CNTN4: variants seen among roughly 807,000 people sequenced by gnomAD.
CNTN4 encodes the protein contactin-4.
In CNTN4, 77 loss-of-function variants were observed where a neutral mutation model predicts 122.5. The observed-to-expected ratio is 0.63, with a 90% CI of 0.52 to 0.76. The LOEUF (loss-of-function observed/expected upper bound fraction) is 0.76. CNTN4 is among the 30% of genes least tolerant of loss of function. The pLI is 0.00. For missense variants in CNTN4, 1,256 were observed against 1,259.1 expected, an observed-to-expected ratio of 1.00 and a Z score of 0.04; for synonymous variants, 512 against 447.0, an observed-to-expected ratio of 1.15 and a Z score of -1.83.
At chr3:2,947,887 T>G (rs1201837218) in intron 13 of CNTN4, among the ~76,000 whole-genome samples, 1 of 152,202 alleles carries the variant, frequency 6.6e-6, no homozygotes, top group East Asian at 1.9e-4. Flanking sequence ...GCCAGGAAAT[T>G]ATTCTGTTCT....
intron 4 of CNTN4, among the ~76,000 whole-genome samples, chr3:2,722,882 C>A (rs1043037964): frequency 2.0e-5 from 3 of 152,168 alleles, no homozygotes; most frequent in Non-Finnish European, 4.4e-5. Context: ...CCCTTCTGTA[C>A]ATCAATATGC....
At position 2,902,917 on chromosome 3, in the gene CNTN4, A is replaced by G. The variant is rs751691992; in HGVS notation, c.1119A>G (p.Ile373Met). The change falls in exon 12 of 25, where the codon ATA becomes ATG. Residue 373 changes from isoleucine to methionine, a missense_variant. Coordinates refer to ENST00000418658, the MANE Select transcript of CNTN4 (RefSeq NM_175607.3). ...AGCAAGGAACACTCAACATAACAATAGTGAACCTCTCAGATGCTGGCATGT... is the reference window on the plus strand; with the variant it reads ...AGCAAGGAACACTCAACATAACAATGGTGAACCTCTCAGATGCTGGCATGT... Reference protein sequence around the residue: ...QIEQGTLNITIVNLSDAGMYQ... With the variant: ...QIEQGTLNITMVNLSDAGMYQ... The G allele has an allele frequency of 6.2e-7, 1 of 1,613,896 alleles. No homozygotes were observed. Among genetic ancestry groups the G allele is most frequent in the Non-Finnish European group, 8.5e-7 (1 of 1,179,854 alleles).
chr3:2,112,039 T>A (rs917025607), intron 2 of CNTN4, among the ~76,000 whole-genome samples: 2 of 152,156 alleles, frequency 1.3e-5, no homozygotes, highest in Admixed American at 1.3e-4. Context: ...TTCCATAGTG[T>A]GTTGTTTTAT....
At chr3:2,619,834 C>A (rs2081926003) in intron 4 of CNTN4, among the ~76,000 whole-genome samples, 1 of 152,220 alleles carries the variant, frequency 6.6e-6, no homozygotes, top group African/African-American at 2.4e-5. Context: ...TCTCTGTTCA[C>A]AAAACATTGC....
intron 2 of CNTN4, among the ~76,000 whole-genome samples, chr3:2,171,912 A>G (rs1283405892): frequency 1.3e-5 from 2 of 152,336 alleles, no homozygotes; most frequent in South Asian, 2.1e-4. Context: ...TCCTTGGAAC[A>G]GGAGCACCTA....
intron 4 of CNTN4, among the ~76,000 whole-genome samples, chr3:2,587,754 A>G (rs897335406): frequency 2.6e-5 from 4 of 152,188 alleles, no homozygotes; most frequent in African/African-American, 9.7e-5. Context: ...AATAAATTTT[A>G]GAGGAAATCA....
intron 3 of CNTN4, among the ~76,000 whole-genome samples, chr3:2,545,519 C>G (rs957271981): frequency 3.3e-5 from 5 of 151,798 alleles, no homozygotes; most frequent in African/African-American, 1.2e-4. Flanking sequence ...TCTCTGAGAA[C>G]TTGCTTTATG....
chr3:2,361,813 C>T (rs901913258), intron 3 of CNTN4, among the ~76,000 whole-genome samples: 1 of 152,154 alleles, frequency 6.6e-6, no homozygotes, highest in Non-Finnish European at 1.5e-5. Context: ...ATAGGCCCTG[C>T]GAATCTGTGA....
At chr3:2,357,460 G>A (rs902094229) in intron 3 of CNTN4, among the ~76,000 whole-genome samples, 10 of 152,154 alleles carry the variant, frequency 6.6e-5, no homozygotes, top group African/African-American at 2.2e-4. Context: ...CACTGCATAC[G>A]TAGCCTTAAT....
intron 6 of CNTN4, among the ~76,000 whole-genome samples, chr3:2,786,352 C>A (rs561457991): frequency 2.0e-5 from 3 of 152,310 alleles, no homozygotes; most frequent in South Asian, 4.1e-4. Flanking sequence ...GGCTCCGGGG[C>A]CACAGGCAAC....
intron 2 of CNTN4, among the ~76,000 whole-genome samples, chr3:2,334,822 T>C (rs2043878022): frequency 6.6e-6 from 1 of 152,180 alleles, no homozygotes; most frequent in Non-Finnish European, 1.5e-5. Flanking sequence ...ATGCCGCATC[T>C]GGGTTTTTGA....
chr3:2,983,503 C>T (rs1383164164), intron 13 of CNTN4, among the ~76,000 whole-genome samples: 1 of 152,134 alleles, frequency 6.6e-6, no homozygotes, highest in Admixed American at 6.5e-5. Context: ...ATGTGGCTAA[C>T]TCTGGTCTAT....
At chr3:2,253,994 C>A (rs956330576) in intron 2 of CNTN4, among the ~76,000 whole-genome samples, 1 of 152,082 alleles carries the variant, frequency 6.6e-6, no homozygotes, top group Non-Finnish European at 1.5e-5. Flanking sequence ...CAGCCATCAA[C>A]CCATAATCTA....
rs764552205 is a variant in CNTN4, at chr3:2,909,626, TC to T, written c.1207+6625del. ...GGACCCAGGCATTTTTCCTTAAAGC[TC>T]CCCAGGTGTGATTCCGAAGAACAAC... On this transcript the variant is annotated intron_variant, in intron 12 of 24. Transcript: ENST00000418658. Among the ~76,000 whole-genome samples, 36 of 152,120 alleles carry T rather than the reference TC, an allele frequency of 2.4e-4. 1 individual carries two copies. The highest frequency in any genetic ancestry group is 1.6e-4 in the Non-Finnish European group (11 of 68,010).
At chr3:2,934,413 G>A (rs2094550299) in intron 13 of CNTN4, among the ~76,000 whole-genome samples, 1 of 151,844 alleles carries the variant, frequency 6.6e-6, no homozygotes, top group South Asian at 2.1e-4. Flanking sequence ...GCTTTTGGAA[G>A]AGTTGAAATT....
At chr3:2,865,902 C>A (rs910145807) in intron 7 of CNTN4, among the ~76,000 whole-genome samples, 1 of 152,182 alleles carries the variant, frequency 6.6e-6, no homozygotes, top group African/African-American at 2.4e-5. Flanking sequence ...TGAAATTCAT[C>A]CCACTGGTCT....
chr3:2,252,911 G>A (rs1161309500), intron 2 of CNTN4, among the ~76,000 whole-genome samples: 4 of 151,962 alleles, frequency 2.6e-5, no homozygotes, highest in East Asian at 1.9e-4. Flanking sequence ...TATTAAATAA[G>A]TTCTTAGTCT....
At chr3:2,330,116 G>A (rs2043657052) in intron 2 of CNTN4, among the ~76,000 whole-genome samples, 5 of 152,050 alleles carry the variant, frequency 3.3e-5, no homozygotes, top group Admixed American at 3.3e-4. Context: ...CGCCTCCTTG[G>A]GTTCAGCCAT....
rs17013496 is a variant in CNTN4 at position 2,378,971 on chromosome 3, C to T, written c.-89+39738C>T. On this transcript the variant is annotated intron_variant, in intron 3 of 24. Coordinates refer to ENST00000418658, the MANE Select transcript of CNTN4 (RefSeq NM_175607.3). ...TCTTTTCAATGTAAGGTAGTTTAAT[C>T]AGTCACCATCCACACTTCAACAATT... is the stretch of plus-strand genomic sequence containing the variant. Among the ~76,000 whole-genome samples, 1,281 of 152,226 alleles carry T rather than the reference C, an allele frequency of 8.4e-3. 19 individuals carry two copies. Among genetic ancestry groups the T allele is most frequent in the African/African-American group, 0.029 (1,217 of 41,546 alleles).
Sources: allele counts gnomAD v4.1 joint callset (sites outside exome capture counted in the v4.1 genomes callset), GRCh38; gene constraint gnomAD v4.1.1; transcripts MANE v1.5; gene names NCBI Gene and HGNC (gene_info 2026-07-23, HGNC 2026-07-21).